The following FUT8 variants were observed in gnomAD, a reference collection of about 807,000 sequenced individuals.
FUT8 encodes the protein alpha-(1,6)-fucosyltransferase.
Under a neutral mutation model 71.3 loss-of-function variants are expected in FUT8, and 29 were observed. The observed-to-expected ratio is 0.41, with a 90% CI of 0.30 to 0.55. FUT8 has a LOEUF of 0.55. FUT8 is among the 20% of genes least tolerant of loss of function. The pLI is 0.34. For synonymous variants in FUT8, 254 were observed against 239.3 expected (o/e 1.06, Z -0.57); for missense variants, 544 against 702.1 (o/e 0.77, Z 2.55).
At chr14:65,572,924 A>C (rs1385928600) in intron 3 of FUT8, among the ~76,000 whole-genome samples, 2 of 152,200 alleles carry the variant, frequency 1.3e-5, no homozygotes, top group Non-Finnish European at 2.9e-5. Flanking sequence ...GCTGATGTGA[A>C]TAGCATTTTC....
At chr14:65,512,002 T>C (rs973071024) in intron 2 of FUT8, among the ~76,000 whole-genome samples, 1 of 152,214 alleles carries the variant, frequency 6.6e-6, no homozygotes, top group African/African-American at 2.4e-5. Flanking sequence ...TCTTCCTGGA[T>C]GTTACAGCCT....
chr14:65,556,839 A>G (rs1485911621), intron 2 of FUT8, among the ~76,000 whole-genome samples: 1 of 152,196 alleles, frequency 6.6e-6, no homozygotes, highest in Non-Finnish European at 1.5e-5. Context: ...ACCACTGATG[A>G]TTATTTTATT....
chr14:65,472,592 C>G lies in FUT8; in HGVS notation c.-228+16874C>G, dbSNP rs894102095. 4.6e-5 allele frequency among the ~76,000 whole-genome samples: 7 copies of G among 151,544 alleles called. No individual in the cohort carries two copies. The highest frequency in any genetic ancestry group is 1.9e-4 in the East Asian group (1 of 5,190). ...AAAAAAAACAACTTTATTTTTATAGCCTTTTTGGGTGTAGGGTCATGTCAG... is the reference window on the plus strand; with the variant it reads ...AAAAAAAACAACTTTATTTTTATAGGCTTTTTGGGTGTAGGGTCATGTCAG... On this transcript the variant is annotated intron_variant, in intron 2 of 10. Transcript: ENST00000673929. This position sits in a 1 kb window ranked among gnomAD's most constrained non-coding sequence, Gnocchi z 4.4.
At chr14:65,694,356 T>G (rs1893874252) in intron 7 of FUT8, among the ~76,000 whole-genome samples, 1 of 152,230 alleles carries the variant, frequency 6.6e-6, no homozygotes. Context: ...TTTTAATGTT[T>G]TATTTTCATT....
At chr14:65,365,339 C>CTCTG in the FUT8 span, among the ~76,000 whole-genome samples, 1 of 113,200 alleles carries the variant, frequency 8.8e-6, no homozygotes, top group African/African-American at 2.7e-5. Flanking sequence ...CTCTCTCTCT[C>CTCTG]TCTCTCTCTC....
chr14:65,536,274 G>A (rs1465849460), intron 2 of FUT8, among the ~76,000 whole-genome samples: 4 of 152,186 alleles, frequency 2.6e-5, no homozygotes, highest in African/African-American at 9.7e-5. Flanking sequence ...ATGGATATGT[G>A]TGGATTTGAT....
At chr14:65,586,293 G>T (rs1459206986) in intron 3 of FUT8, among the ~76,000 whole-genome samples, 1 of 152,160 alleles carries the variant, frequency 6.6e-6, no homozygotes, top group East Asian at 1.9e-4. Context: ...TGCTGGAGAT[G>T]AATGTAGCAA....
intron 3 of FUT8, among the ~76,000 whole-genome samples, chr14:65,604,979 C>G (rs1180329217): frequency 6.6e-6 from 1 of 151,808 alleles, no homozygotes; most frequent in Non-Finnish European, 1.5e-5. Flanking sequence ...TATCATCCTA[C>G]ATATATGTAT....
the FUT8 span, among the ~76,000 whole-genome samples, chr14:65,361,293 T>C: frequency 6.8e-6 from 1 of 146,392 alleles, no homozygotes; most frequent in Admixed American, 6.8e-5. Context: ...GAGGCGGAGG[T>C]TGTGGTGAGC....
intron 3 of FUT8, among the ~76,000 whole-genome samples, chr14:65,597,007 A>G (rs773176692): frequency 6.6e-6 from 1 of 152,230 alleles, no homozygotes; most frequent in Admixed American, 6.5e-5. Flanking sequence ...ACAATAGAAC[A>G]CAATAAATAA....
At chr14:65,722,366 G>A (rs1279246026) in intron 8 of FUT8, among the ~76,000 whole-genome samples, 2 of 152,070 alleles carry the variant, frequency 1.3e-5, no homozygotes, top group Non-Finnish European at 2.9e-5. Context: ...GCTCACTGCA[G>A]CCTCAACCAC....
chr14:65,498,148 T>C (rs1161469803), intron 2 of FUT8, among the ~76,000 whole-genome samples: 6 of 152,202 alleles, frequency 3.9e-5, no homozygotes, highest in African/African-American at 1.4e-4. Flanking sequence ...GTCTATTCTT[T>C]TGAGTTTTAT....
At chr14:65,633,712 C>G (rs963943535) in intron 6 of FUT8, among the ~76,000 whole-genome samples, 10 of 150,696 alleles carry the variant, frequency 6.6e-5, no homozygotes, top group African/African-American at 2.2e-4. Flanking sequence ...CCCGGCTGCC[C>G]CATCTGAGAA....
chr14:65,434,885 C>T (rs1336603349), intron 1 of FUT8, among the ~76,000 whole-genome samples: 2 of 151,974 alleles, frequency 1.3e-5, no homozygotes, highest in Non-Finnish European at 1.5e-5. Context: ...ATCCACACTG[C>T]GATACACAGT....
At chr14:65,704,963 G>A (rs1055343690) in intron 7 of FUT8, among the ~76,000 whole-genome samples, 1 of 152,204 alleles carries the variant, frequency 6.6e-6, no homozygotes, top group Non-Finnish European at 1.5e-5. Flanking sequence ...AGGCATGTCT[G>A]TTGCTATTAA....
chr14:65,578,543 A>G (rs750703002), intron 3 of FUT8, among the ~76,000 whole-genome samples: 3 of 152,182 alleles, frequency 2.0e-5, no homozygotes, highest in Non-Finnish European at 4.4e-5. Context: ...TTAAAACGTT[A>G]TGAGATTTTG....
At chr14:65,496,765 G>A (rs766210087) in intron 2 of FUT8, among the ~76,000 whole-genome samples, 12 of 152,118 alleles carry the variant, frequency 7.9e-5, no homozygotes, top group Non-Finnish European at 1.5e-4. Context: ...CTCTGGCCAT[G>A]ATTTTCTTGG....
chr14:65,503,682 A>G (rs893709874), intron 2 of FUT8, among the ~76,000 whole-genome samples: 1 of 152,104 alleles, frequency 6.6e-6, no homozygotes, highest in Non-Finnish European at 1.5e-5. Context: ...TTGTCTTTAC[A>G]GACCTAGATT....
chr14:65,464,259 GTTTTTTTTT>G (rs3084724), intron 2 of FUT8, among the ~76,000 whole-genome samples: 1 of 116,560 alleles, frequency 8.6e-6, no homozygotes, highest in Admixed American at 9.4e-5. Context: ...AGTACTTTGG[GTTTTTTTTT>G]TTTTTTTTTT....
Sources: allele counts gnomAD v4.1 joint callset (sites outside exome capture counted in the v4.1 genomes callset), GRCh38; gene constraint gnomAD v4.1.1; non-coding constraint Gnocchi (gnomAD v3.1); transcripts MANE v1.5; gene names NCBI Gene and HGNC (gene_info 2026-07-23, HGNC 2026-07-21).